COL21A1: variants seen among roughly 807,000 people sequenced by gnomAD.
The protein encoded by COL21A1 is collagen alpha-1(XXI) chain.
A neutral mutation model predicts 137.9 loss-of-function variants in COL21A1; 149 were observed. The observed-to-expected ratio is 1.08, with a 90% CI of 0.95 to 1.24. The LOEUF is 1.24. Ranked by LOEUF, COL21A1 falls within the 50% of genes most tolerant of loss-of-function variation. The pLI is 0.00. For missense variants in COL21A1, 1,167 were observed against 1,158.4 expected (o/e 1.01, Z -0.11); for synonymous variants, 456 against 391.5 (o/e 1.16, Z -1.95).
chr6:56,168,457 T>C (rs1438797235), intron 5 of COL21A1, among the ~76,000 whole-genome samples, 160 bp from the exon 6 acceptor site: 1 of 152,120 alleles, frequency 6.6e-6, no homozygotes, highest in Non-Finnish European at 1.5e-5. Context: ...GTGGACCTCA[T>C]ATGCTATCCA....
chr6:56,242,527 A>G (rs1404812507), intron 1 of COL21A1, among the ~76,000 whole-genome samples: 1 of 152,176 alleles, frequency 6.6e-6, no homozygotes, highest in Non-Finnish European at 1.5e-5. Context: ...TGAAAACAAG[A>G]CAAGTCCAAA....
chr6:56,284,059 G>GT (rs903063738), intron 1 of COL21A1, among the ~76,000 whole-genome samples: 10 of 152,122 alleles, frequency 6.6e-5, no homozygotes, highest in African/African-American at 1.4e-4. Context: ...TTGTTTTGTT[G>GT]TTTTTTGAGA....
At chr6:56,134,376 C>A (rs1366308768) in intron 12 of COL21A1, among the ~76,000 whole-genome samples, 1 of 152,164 alleles carries the variant, frequency 6.6e-6, no homozygotes, top group Non-Finnish European at 1.5e-5. Flanking sequence ...AGTATTTATC[C>A]AATGCCTGTA....
At chr6:56,070,067 C>G (rs558438765) in intron 21 of COL21A1, among the ~76,000 whole-genome samples, 3 of 151,498 alleles carry the variant, frequency 2.0e-5, no homozygotes, top group African/African-American at 7.2e-5. Context: ...TTTGCAAGCA[C>G]GTGTTAATAA....
At chr6:56,156,827 C>T in intron 10 of COL21A1, 60 bp downstream of exon 10, 1 of 1,392,250 alleles carries the variant, frequency 7.2e-7, no homozygotes, top group Non-Finnish European at 1.0e-6. Flanking sequence ...CTCAGCAAAA[C>T]TTTTACTTTG....
chr6:56,095,847 T>A lies in COL21A1; in HGVS notation c.1812+5625A>T, dbSNP rs1195368768. On this transcript the variant is annotated intron_variant, in intron 17 of 29. Coordinates refer to ENST00000244728, the MANE Select transcript of COL21A1 (RefSeq NM_030820.4). ...AATTATATCTCATAATATTGGTTTT[T>A]TTGTTTTTGTTTCTTTTGAGACAGA... Among the ~76,000 whole-genome samples the A allele has an allele frequency of 2.6e-5, 4 of 152,080 alleles. No homozygotes were observed. The South Asian group carries it at 6.2e-4, about 24-fold the overall frequency.
intron 1 of COL21A1, among the ~76,000 whole-genome samples, chr6:56,364,090 A>C (rs1296155144): frequency 2.6e-5 from 4 of 152,110 alleles, no homozygotes; most frequent in African/African-American, 9.7e-5. Flanking sequence ...TTAGAATAGA[A>C]AAAACAAATA....
At chr6:56,192,642 T>A (rs774806366) in intron 1 of COL21A1, among the ~76,000 whole-genome samples, 3 of 152,142 alleles carry the variant, frequency 2.0e-5, no homozygotes, top group Non-Finnish European at 2.9e-5. Context: ...TGAGATACCA[T>A]CTCATGCCAG....
intron 1 of COL21A1, among the ~76,000 whole-genome samples, chr6:56,325,996 A>ATATTATATAATATATAATATATAT (rs1562057995): frequency 4.6e-3 from 6 of 1,318 alleles, no homozygotes; most frequent in East Asian, 0.042. Flanking sequence ...ATATGTATAT[A>ATATTATATAATATATAATATATAT]CATACATATA....
intron 1 of COL21A1, among the ~76,000 whole-genome samples, chr6:56,270,797 T>C (rs910418767): frequency 6.6e-6 from 1 of 152,182 alleles, no homozygotes; most frequent in African/African-American, 2.4e-5. Context: ...ACTTCCTCCC[T>C]CATGCTCTGT....
At chr6:56,368,685 A>G (rs1413812807) in intron 1 of COL21A1, among the ~76,000 whole-genome samples, 2 of 152,138 alleles carry the variant, frequency 1.3e-5, no homozygotes. Context: ...TGCCAGGGAA[A>G]GTTTGTTTAT....
intron 3 of COL21A1, among the ~76,000 whole-genome samples, chr6:56,176,275 TTACAGCAAA>T (rs1234028625): frequency 9.9e-5 from 15 of 151,964 alleles, no homozygotes; most frequent in Admixed American, 9.8e-4. Flanking sequence ...ACAACTGGGA[TTACAGCAAA>T]CTAAAAAGCT....
chr6:56,127,389 A>G (rs1773132037), intron 12 of COL21A1, among the ~76,000 whole-genome samples: 1 of 152,054 alleles, frequency 6.6e-6, no homozygotes, highest in Admixed American at 6.6e-5. Flanking sequence ...AATCTTTCCA[A>G]CTGTCAAAAT....
At chr6:56,314,200 A>T in intron 1 of COL21A1, among the ~76,000 whole-genome samples, 2 of 152,074 alleles carry the variant, frequency 1.3e-5, no homozygotes, top group South Asian at 4.2e-4. Context: ...GGTCAGGATG[A>T]TCTCCATCTC....
intron 10 of COL21A1, among the ~76,000 whole-genome samples, chr6:56,143,887 T>C (rs2152240229): frequency 6.6e-6 from 1 of 152,286 alleles, no homozygotes; most frequent in Non-Finnish European, 1.5e-5. Context: ...ACTCTATACA[T>C]GAACGTGTAA....
In COL21A1 at chr6:56,077,864, A is replaced by G. The variant is rs1198815605; in HGVS notation, c.1813-291T>C. 1.3e-5 allele frequency: 5 copies of G among 376,838 alleles called. No individual in the cohort carries two copies. In the Admixed American group the frequency reaches 2.1e-4, roughly 16 times the overall value. 23.3% of individuals were successfully genotyped at this position (376,838 alleles called of 1,614,324 possible). A position where few individuals can be genotyped will look rare whatever the true frequency, so the allele number is the denominator to read the frequency against. ...CCAACACATGAGTGATAAAATTAAAATGATGTTTCATTTGAACACATTCTT... is the reference window on the plus strand; with the variant it reads ...CCAACACATGAGTGATAAAATTAAAGTGATGTTTCATTTGAACACATTCTT... On this transcript the variant is annotated intron_variant, in intron 17 of 29. Coordinates refer to ENST00000244728, the MANE Select transcript of COL21A1 (RefSeq NM_030820.4).
At chr6:56,309,501 T>A (rs1479312049) in intron 1 of COL21A1, among the ~76,000 whole-genome samples, 3 of 152,210 alleles carry the variant, frequency 2.0e-5, no homozygotes, top group Non-Finnish European at 4.4e-5. Flanking sequence ...GAGGTAGCTC[T>A]GGAATAAAAT....
At chr6:56,176,160 T>C (rs1239153234) in intron 3 of COL21A1, among the ~76,000 whole-genome samples, 1 of 152,056 alleles carries the variant, frequency 6.6e-6, no homozygotes, top group African/African-American at 2.4e-5. Flanking sequence ...GATCTGAAAC[T>C]ATAAAATTTC....
intron 1 of COL21A1, among the ~76,000 whole-genome samples, chr6:56,232,674 T>G (rs562462257): frequency 6.6e-6 from 1 of 151,962 alleles, no homozygotes; most frequent in Non-Finnish European, 1.5e-5. Context: ...AGTCTTAGAA[T>G]TACAGTATGT....
Sources: allele counts gnomAD v4.1 joint callset (sites outside exome capture counted in the v4.1 genomes callset), GRCh38; gene constraint gnomAD v4.1.1; transcripts MANE v1.5; gene names NCBI Gene and HGNC (gene_info 2026-07-23, HGNC 2026-07-21).